RFX6: variants seen among roughly 807,000 people sequenced by gnomAD.
RFX6 encodes the protein regulatory factor X6, also known as DNA-binding protein RFX6.
In RFX6, 50 loss-of-function variants were observed where a neutral mutation model predicts 110.8. That is an observed-to-expected ratio of 0.45 (90% CI 0.36 to 0.57). The LOEUF (loss-of-function observed/expected upper bound fraction) is 0.57. RFX6 is among the 20% of genes least tolerant of loss of function. The pLI, the probability that RFX6 is intolerant of heterozygous loss-of-function variation, is 0.00. For missense variants in RFX6, 990 were observed against 1,127.0 expected (o/e 0.88, Z 1.74); for synonymous variants, 383 against 411.2 (o/e 0.93, Z 0.83).
In RFX6 at chr6:116,877,536, G is replaced by A. The variant is rs1362454521; in HGVS notation, c.223+38G>A. 4.1e-6 allele frequency: 6 copies of A among 1,471,560 alleles called. No individual in the cohort carries two copies. In the East Asian group the frequency reaches 1.2e-4, roughly 30 times the overall value. 91.2% of individuals were successfully genotyped at this position (1,471,560 alleles called of 1,614,324 possible). A position where few individuals can be genotyped will look rare whatever the true frequency, so the allele number is the denominator to read the frequency against. Reference sequence around the variant, plus strand: ...CCGCATCCGGAGCTGGGAAGGGGACGGGGACGTATTCTAAGAAGGGCACCC... The same window carrying A: ...CCGCATCCGGAGCTGGGAAGGGGACAGGGACGTATTCTAAGAAGGGCACCC... On this transcript the variant is annotated intron_variant, in intron 1 of 18. Transcript: ENST00000332958.
In RFX6 at chr6:116,930,906, C is replaced by T. The variant is rs551190919; in HGVS notation, c.2612-425C>T. On this transcript the variant is annotated intron_variant, in intron 18 of 18. Coordinates refer to ENST00000332958, the MANE Select transcript of RFX6 (RefSeq NM_173560.4). ...TTGAGACGAGTGAAAGTTTGATCTA[C>T]TCTTCAGCAATATCATTCTGGTTGC... Among the ~76,000 whole-genome samples, 3 of 152,176 alleles carry T rather than the reference C, an allele frequency of 2.0e-5. No individual in the cohort carries two copies. The South Asian group carries it at 6.2e-4, about 32-fold the overall frequency.
intron 11 of RFX6, 89 bp downstream of exon 11, chr6:116,919,385 T>C: frequency 8.4e-7 from 1 of 1,194,372 alleles, no homozygotes; most frequent in Non-Finnish European, 1.3e-6. Context: ...TTTCATAGAT[T>C]GAAGGGAGCT....
At position 116,916,103 on chromosome 6, in the gene RFX6, T is replaced by A. The variant is rs781537164; in HGVS notation, c.858+18T>A. On this transcript the variant is annotated intron_variant, in intron 8 of 18. Coordinates refer to ENST00000332958, the MANE Select transcript of RFX6 (RefSeq NM_173560.4). ...TTGAAGAGGTAAGAATGACAAAGAA[T>A]GCTTTATTTGACCCTATTATATATA... The A allele has an allele frequency of 6.3e-7, 1 of 1,579,084 alleles. No homozygotes were observed. The highest frequency in any genetic ancestry group is 8.7e-7 in the Non-Finnish European group (1 of 1,148,470).
At chr6:116,927,743 C>CTTTTTTTTTTTTTT (rs60638457) in intron 17 of RFX6, among the ~76,000 whole-genome samples, 109 of 119,492 alleles carry the variant, frequency 9.1e-4, no homozygotes, top group South Asian at 2.9e-3. Context: ...GCCCTTCTTC[C>CTTTTTTTTTTTTTT]TTTTTTTTTT....
chr6:116,879,673 A>G lies in RFX6; in HGVS notation c.381-871A>G, dbSNP rs1173369304. Among the ~76,000 whole-genome samples the G allele has an allele frequency of 2.6e-5, 4 of 152,070 alleles. No individual in the cohort carries two copies. The South Asian group carries it at 6.2e-4, about 24-fold the overall frequency. ...TATAATAAATATTATCTTACTATAC[A>G]TAAAATTGGTATAAGTAAATTTTAG... is the stretch of plus-strand genomic sequence containing the variant. On this transcript the variant is annotated intron_variant, in intron 2 of 18. Transcript: ENST00000332958.
intron 6 of RFX6, among the ~76,000 whole-genome samples, chr6:116,909,735 C>CTTTTTTTT (rs59264999): frequency 5.9e-5 from 4 of 67,378 alleles, no homozygotes; most frequent in African/African-American, 1.2e-4. Context: ...TCATTTAAAT[C>CTTTTTTTT]TTTTTTTTTT....
rs1336194767 is a variant in RFX6 at position 116,919,157 on chromosome 6, AT to A, written c.1047del (p.Phe349LeufsTer20). On this transcript the variant is annotated frameshift_variant, in exon 11 of 19. Transcript: ENST00000332958. LOFTEE classifies it high-confidence loss of function. ...MPESLLADIR[N>X]FAKNWEQWVV... ...TGTAGCTTATTAGCAGACATAAGAAATTTTGCTAAAAATTGGGAACAGTGGG... is the reference window on the plus strand; with the variant it reads ...TGTAGCTTATTAGCAGACATAAGAAATTTGCTAAAAATTGGGAACAGTGGG... 1.2e-6 allele frequency: 2 copies of A among 1,613,460 alleles called. No homozygotes were observed. Among genetic ancestry groups the A allele is most frequent in the South Asian group, 2.2e-5 (2 of 91,074 alleles).
chr6:116,889,738 A>G (rs1287922359), intron 4 of RFX6, among the ~76,000 whole-genome samples: 1 of 152,124 alleles, frequency 6.6e-6, no homozygotes, highest in Non-Finnish European at 1.5e-5. Context: ...ACATCATGTT[A>G]GATAAGAGAT....
At chr6:116,878,355 G>A (rs1774512430) in intron 2 of RFX6, among the ~76,000 whole-genome samples, 1 of 152,078 alleles carries the variant, frequency 6.6e-6, no homozygotes, top group Non-Finnish European at 1.5e-5. Context: ...TCTTAACACT[G>A]CCTTTATTCA....
At chr6:116,902,433 G>T (rs1312227803) in intron 6 of RFX6, among the ~76,000 whole-genome samples, 18 of 151,986 alleles carry the variant, frequency 1.2e-4, no homozygotes, top group Non-Finnish European at 2.1e-4. Context: ...TTACTACTTA[G>T]TATTAATAAT....
rs536214477 is a variant in RFX6 at position 116,927,549 on chromosome 6, T to C, written c.2398+10T>C. 26 of 1,610,256 alleles carry C rather than the reference T, an allele frequency of 1.6e-5. No homozygotes were observed. Among genetic ancestry groups the C allele is most frequent in the South Asian group, 7.7e-5 (7 of 91,056 alleles). On this transcript the variant is annotated intron_variant, in intron 17 of 18. Transcript: ENST00000332958. ...CCTAATTCACCAAATGGTATTGATATTTAAAAGAATTTTTCTTGGTTTTTG... is the reference window on the plus strand; with the variant it reads ...CCTAATTCACCAAATGGTATTGATACTTAAAAGAATTTTTCTTGGTTTTTG...
chr6:116,905,382 C>A (rs1403613748), intron 6 of RFX6, among the ~76,000 whole-genome samples: 1 of 152,014 alleles, frequency 6.6e-6, no homozygotes, highest in African/African-American at 2.4e-5. Flanking sequence ...CATTATGAAT[C>A]ATTTTGTTTA....
Position 116,877,249 on chromosome 6 carries a change from G to C in RFX6, c.-27G>C. 6.4e-7 allele frequency: 1 copy of C among 1,566,206 alleles called. No individual in the cohort carries two copies. Among genetic ancestry groups the C allele is most frequent in the Non-Finnish European group, 8.7e-7 (1 of 1,150,230 alleles). ...CGCTGGGGAACCGGCCGAGCGGCGC[G>C]CGCGGAGGTGTCCGGCGGCCAGGAG... is the stretch of plus-strand genomic sequence containing the variant. On this transcript the variant is annotated 5_prime_UTR_variant, in exon 1 of 19. Transcript: ENST00000332958.
At position 116,916,232 on chromosome 6, in the gene RFX6, G is replaced by A. The variant is rs773455052; in HGVS notation, c.890G>A (p.Gly297Glu). 1.2e-6 allele frequency: 2 copies of A among 1,612,116 alleles called. No individual in the cohort carries two copies. The highest frequency in any genetic ancestry group is 4.5e-5 in the East Asian group (2 of 44,790). The change falls in exon 9 of 19, where the codon GGA (glycine) becomes GAA (glutamate). Residue 297 changes from glycine (G) to glutamate (E), a missense_variant. Gly to Glu is a moderately conservative substitution (Grantham distance 98, BLOSUM62 -2). Coordinates refer to ENST00000332958, the MANE Select transcript of RFX6 (RefSeq NM_173560.4). Reference sequence around the variant, plus strand: ...CATTTTTTATTACACTTTTGGCAAGGAATGCCTGACCATCTCCTTCCCCTG... The same window carrying A: ...CATTTTTTATTACACTTTTGGCAAGAAATGCCTGACCATCTCCTTCCCCTG... ...IQHFLLHFWQ[G>E]MPDHLLPLLE...
At chr6:116,887,542 C>T (rs892787204) in intron 4 of RFX6, among the ~76,000 whole-genome samples, 2 of 152,024 alleles carry the variant, frequency 1.3e-5, no homozygotes, top group African/African-American at 4.8e-5. Context: ...GTTTTATTAT[C>T]TGTGATATTT....
At position 116,901,710 on chromosome 6, in the gene RFX6, T is replaced by A. The variant is rs115270693; in HGVS notation, c.672+6503T>A. Among the ~76,000 whole-genome samples, 643 of 152,278 alleles carry A rather than the reference T, an allele frequency of 4.2e-3. 4 individuals are homozygous for A. Among genetic ancestry groups the A allele is most frequent in the African/African-American group, 0.015 (612 of 41,584 alleles). On this transcript the variant is annotated intron_variant, in intron 6 of 18. Coordinates refer to ENST00000332958, the MANE Select transcript of RFX6 (RefSeq NM_173560.4). ...CCCTAATGTGTGATTGTCTCACATA[T>A]ATTACATTAGCAATAACTAAAATGT...
intron 10 of RFX6, 146 bp downstream of exon 10, chr6:116,918,232 T>C (rs1562145160): frequency 4.5e-6 from 3 of 673,982 alleles, no homozygotes; most frequent in Admixed American, 2.2e-5. Flanking sequence ...CTGGAAGAGA[T>C]GTGTCTTATA....
At position 116,916,322 on chromosome 6, in the gene RFX6, C is replaced by G; in HGVS notation, c.972+8C>G. 1 of 1,501,310 alleles carries G rather than the reference C, an allele frequency of 6.7e-7. No individual in the cohort carries two copies. The highest frequency in any genetic ancestry group is 9.3e-7 in the Non-Finnish European group (1 of 1,078,312). 93.0% of individuals were successfully genotyped at this position (1,501,310 alleles called of 1,614,324 possible). A position where few individuals can be genotyped will look rare whatever the true frequency, so the allele number is the denominator to read the frequency against. ...GACTCAATTCTTTATAAGGTAAGCACTTTGGGATGTCTTAAACATGAGCCA... is the reference window on the plus strand; with the variant it reads ...GACTCAATTCTTTATAAGGTAAGCAGTTTGGGATGTCTTAAACATGAGCCA... On this transcript the variant is annotated splice_region_variant and intron_variant, in intron 9 of 18. Coordinates refer to ENST00000332958, the MANE Select transcript of RFX6 (RefSeq NM_173560.4).
At chr6:116,919,583 T>C (rs1332013122) in intron 11 of RFX6, among the ~76,000 whole-genome samples, 3 of 152,184 alleles carry the variant, frequency 2.0e-5, no homozygotes, top group South Asian at 2.1e-4. Flanking sequence ...ATGGAGAGTA[T>C]ATGGAAATAT....
Sources: allele counts gnomAD v4.1 joint callset (sites outside exome capture counted in the v4.1 genomes callset), GRCh38; gene constraint gnomAD v4.1.1; transcripts MANE v1.5; gene names NCBI Gene and HGNC (gene_info 2026-07-23, HGNC 2026-07-21).